TPST1: variants seen among roughly 807,000 people sequenced by gnomAD.
TPST1 encodes the protein tyrosylprotein sulfotransferase 1.
Under a neutral mutation model 34.8 loss-of-function variants are expected in TPST1, and 20 were observed. The ratio of observed to expected loss-of-function variants is 0.57; its 90% CI spans 0.40 to 0.84. TPST1 has a LOEUF of 0.84. Ranked by LOEUF, TPST1 falls within the 40% of genes least tolerant of loss-of-function variation. TPST1 has a pLI of 0.00. For missense variants in TPST1, 353 were observed against 455.5 expected, an observed-to-expected ratio of 0.78 and a Z score of 2.05; for synonymous variants, 152 against 159.4, an observed-to-expected ratio of 0.95 and a Z score of 0.35.
chr7:66,280,081 G>C (rs1352352193), intron 2 of TPST1, among the ~76,000 whole-genome samples: 1 of 152,190 alleles, frequency 6.6e-6, no homozygotes, highest in African/African-American at 2.4e-5. Context: ...CAGTCCCCCT[G>C]GCATTTCTCG....
At chr7:66,320,029 C>G (rs985021854) in intron 3 of TPST1, among the ~76,000 whole-genome samples, 1 of 152,036 alleles carries the variant, frequency 6.6e-6, no homozygotes, top group African/African-American at 2.4e-5. Context: ...TGGAAGAAAC[C>G]CAAAATCACC....
intron 3 of TPST1, among the ~76,000 whole-genome samples, chr7:66,328,906 ATTTT>A (rs1172711561): frequency 8.4e-4 from 11 of 13,154 alleles, no homozygotes; most frequent in South Asian, 5.6e-3. Context: ...ATATATATAT[ATTTT>A]TTTTTTTTTT....
chr7:66,336,419 AC>A (rs1792122844), intron 3 of TPST1, among the ~76,000 whole-genome samples: 1 of 152,210 alleles, frequency 6.6e-6, no homozygotes, highest in Admixed American at 6.5e-5. Flanking sequence ...AGAAATAGAA[AC>A]AAGAAAACAA....
At chr7:66,270,567 T>C (rs878961983) in intron 2 of TPST1, among the ~76,000 whole-genome samples, 3 of 152,258 alleles carry the variant, frequency 2.0e-5, no homozygotes, top group Admixed American at 2.0e-4. Context: ...ACAAGTCTTC[T>C]CTTTTAATCG....
At chr7:66,278,725 G>A (rs967473773) in intron 2 of TPST1, among the ~76,000 whole-genome samples, 1 of 151,978 alleles carries the variant, frequency 6.6e-6, no homozygotes, top group Non-Finnish European at 1.5e-5. Context: ...GGAGCTTGCA[G>A]GGAGCCGAGA....
chr7:66,338,226 T>TA (rs915607286), intron 3 of TPST1, among the ~76,000 whole-genome samples: 4 of 151,568 alleles, frequency 2.6e-5, no homozygotes, highest in Admixed American at 2.0e-4. Context: ...TCAAGATGGT[T>TA]AAAAAAAAGA....
intron 2 of TPST1, among the ~76,000 whole-genome samples, chr7:66,244,544 T>TG (rs1280131828): frequency 3.3e-5 from 5 of 152,226 alleles, no homozygotes; most frequent in African/African-American, 1.2e-4. Context: ...CAGAGGCTCC[T>TG]GCTCAAGTAT....
intron 3 of TPST1, among the ~76,000 whole-genome samples, chr7:66,328,264 C>G (rs1791912983): frequency 6.6e-6 from 1 of 151,808 alleles, no homozygotes; most frequent in South Asian, 2.1e-4. Context: ...TGAGCTCAGG[C>G]AATCTTCTCG....
At chr7:66,280,450 A>G (rs961438945) in intron 2 of TPST1, among the ~76,000 whole-genome samples, 15 of 152,162 alleles carry the variant, frequency 9.9e-5, no homozygotes, top group Non-Finnish European at 1.9e-4. Flanking sequence ...TGGAAATGCT[A>G]TTTTTGTACA....
chr7:66,205,116 G>C (rs1453172817), upstream of TPST1: 1 of 152,260 alleles, frequency 6.6e-6, no homozygotes, highest in Non-Finnish European at 1.5e-5. The surrounding 1 kb of genome is among the most constrained non-coding windows in gnomAD (Gnocchi z 5.0). Flanking sequence ...GCACGGGAAG[G>C]GCTGTGGGGG....
At chr7:66,322,244 T>C in intron 3 of TPST1, among the ~76,000 whole-genome samples, 1 of 152,214 alleles carries the variant, frequency 6.6e-6, no homozygotes, top group South Asian at 2.1e-4. Flanking sequence ...TTCATTGTGG[T>C]AAGAAACACA....
chr7:66,295,109 A>ATT (rs201547318), intron 3 of TPST1, among the ~76,000 whole-genome samples: 1 of 150,050 alleles, frequency 6.7e-6, no homozygotes, highest in Non-Finnish European at 1.5e-5. Flanking sequence ...CAATTTTAGG[A>ATT]TTTTTTTTTT....
chr7:66,340,782 A>G (rs1792221247), intron 3 of TPST1, among the ~76,000 whole-genome samples: 1 of 152,216 alleles, frequency 6.6e-6, no homozygotes, highest in African/African-American at 2.4e-5. Context: ...CTCATGGATT[A>G]GAAGAATTAA....
intron 3 of TPST1, among the ~76,000 whole-genome samples, chr7:66,323,402 T>C (rs1010261050): frequency 6.6e-6 from 1 of 152,214 alleles, no homozygotes; most frequent in Non-Finnish European, 1.5e-5. Flanking sequence ...CTGTTCTTAG[T>C]TTACTAAGTG....
chr7:66,306,416 G>A (rs1791424522), intron 3 of TPST1, among the ~76,000 whole-genome samples: 2 of 152,164 alleles, frequency 1.3e-5, no homozygotes, highest in African/African-American at 2.4e-5. Flanking sequence ...TAAAAGTGGA[G>A]AGCTCCTTCA....
intron 4 of TPST1, among the ~76,000 whole-genome samples, chr7:66,353,306 C>T (rs1792517935): frequency 6.6e-6 from 1 of 151,354 alleles, no homozygotes; most frequent in African/African-American, 2.4e-5. Context: ...AAGACTGCCT[C>T]AAAAAAAGAA....
chr7:66,235,453 T>A (rs1789892882), intron 1 of TPST1, among the ~76,000 whole-genome samples: 1 of 152,198 alleles, frequency 6.6e-6, no homozygotes, highest in Admixed American at 6.5e-5. Flanking sequence ...AACTATGTGC[T>A]CAAACATATA....
intron 1 of TPST1, among the ~76,000 whole-genome samples, chr7:66,214,788 G>A (rs1789353197): frequency 6.7e-6 from 1 of 150,362 alleles, no homozygotes; most frequent in African/African-American, 2.4e-5. Context: ...CTGGGCGACA[G>A]TGTGAGACCC....
intron 3 of TPST1, among the ~76,000 whole-genome samples, chr7:66,314,713 G>C (rs891589736): frequency 6.6e-6 from 1 of 152,154 alleles, no homozygotes; most frequent in African/African-American, 2.4e-5. Flanking sequence ...AGGCTATATG[G>C]TTTAGCCTAT....
Sources: gnomAD v4.1 joint callset for allele counts (sites outside exome capture counted in the v4.1 genomes callset) on GRCh38, gnomAD v4.1.1 for gene constraint, Gnocchi (gnomAD v3.1) non-coding constraint, MANE v1.5 for transcripts, NCBI Gene and HGNC (gene_info 2026-07-23, HGNC 2026-07-21) for gene names.